Variants in HSD17B12 observed in about 807,000 individuals in gnomAD.
HSD17B12 encodes the protein hydroxysteroid 17-beta dehydrogenase 12.
In HSD17B12, 32 loss-of-function variants were observed where a neutral mutation model predicts 39.3. That is an observed-to-expected ratio of 0.81 (90% confidence interval 0.61 to 1.09). The LOEUF is 1.09. HSD17B12 is among the 50% of genes least tolerant of loss of function. The probability of loss-of-function intolerance (pLI) is 0.00; values close to 1 mark genes in which losing one functional copy is unlikely to be tolerated. For missense variants in HSD17B12, 342 were observed against 382.9 expected, an observed-to-expected ratio of 0.89 and a Z score of 0.89; for synonymous variants, 150 against 146.7, an observed-to-expected ratio of 1.02 and a Z score of -0.16.
chr11:43,713,893 T>C (rs1337513063), intron 1 of HSD17B12, among the ~76,000 whole-genome samples: 1 of 152,268 alleles, frequency 6.6e-6, no homozygotes, highest in Non-Finnish European at 1.5e-5. Flanking sequence ...ATGAGCATTT[T>C]TTCATGTGCC....
chr11:43,781,656 C>CAT (rs1950767009), intron 3 of HSD17B12, among the ~76,000 whole-genome samples: 1 of 151,954 alleles, frequency 6.6e-6, no homozygotes, highest in African/African-American at 2.4e-5. Flanking sequence ...AATATATATA[C>CAT]ATATATATAC....
rs1950495461 is a variant in HSD17B12, at chr11:43,754,861, C to A, written c.283+740C>A. On this transcript the variant is annotated intron_variant, in intron 3 of 10. Coordinates refer to ENST00000278353, the MANE Select transcript of HSD17B12 (RefSeq NM_016142.3). Reference sequence around the variant, plus strand: ...CATGTGACAGGGAAAATCTTTTGAACTTTCTTCTTAGGCAATTATACTTGA... The same window carrying A: ...CATGTGACAGGGAAAATCTTTTGAAATTTCTTCTTAGGCAATTATACTTGA... The A allele has an allele frequency of 4.0e-6, 3 of 759,410 alleles. 1 individual carries two copies. The highest frequency in any genetic ancestry group is 7.2e-6 in the Non-Finnish European group (3 of 415,692). The allele number at this position is 759,410 out of a possible 1,614,324, so 47.0% of individuals were successfully genotyped here.
At chr11:43,701,671 G>A (rs978451849) in intron 1 of HSD17B12, among the ~76,000 whole-genome samples, 23 of 152,274 alleles carry the variant, frequency 1.5e-4, no homozygotes, top group Non-Finnish European at 5.9e-5. Context: ...ATTCTCTATT[G>A]TGTTGCATTG....
chr11:43,700,470 C>T (rs1283178449), intron 1 of HSD17B12, among the ~76,000 whole-genome samples: 1 of 152,054 alleles, frequency 6.6e-6, no homozygotes, highest in East Asian at 1.9e-4. Flanking sequence ...TAACCATCCG[C>T]ACCTCCCTCC....
intron 4 of HSD17B12, among the ~76,000 whole-genome samples, chr11:43,809,676 C>T (rs1456347010): frequency 6.6e-6 from 1 of 151,952 alleles, no homozygotes; most frequent in Non-Finnish European, 1.5e-5. Context: ...AAAAATTAGC[C>T]GGTCGTGGTG....
the HSD17B12 span, among the ~76,000 whole-genome samples, chr11:43,598,731 C>T: frequency 2.6e-5 from 4 of 152,328 alleles, no homozygotes; most frequent in South Asian, 8.3e-4. Flanking sequence ...GGTCTCTGCT[C>T]TGATGTGCCT....
chr11:43,599,969 C>G, the HSD17B12 span, among the ~76,000 whole-genome samples: 1 of 152,062 alleles, frequency 6.6e-6, no homozygotes, highest in Admixed American at 6.6e-5. Context: ...AATACCTGAA[C>G]AGGTTGTAGT....
chr11:43,698,381 A>G (rs925363626), intron 1 of HSD17B12, among the ~76,000 whole-genome samples: 1 of 152,228 alleles, frequency 6.6e-6, no homozygotes, highest in African/African-American at 2.4e-5. Context: ...ATTAGATGCT[A>G]TATTTTATAG....
At chr11:43,716,215 G>A (rs778640718) in intron 1 of HSD17B12, among the ~76,000 whole-genome samples, 5 of 152,124 alleles carry the variant, frequency 3.3e-5, no homozygotes, top group Non-Finnish European at 5.9e-5. Context: ...TTAAAATGCA[G>A]GTAGCATATA....
At chr11:43,712,637 T>C (rs1300976601) in intron 1 of HSD17B12, among the ~76,000 whole-genome samples, 1 of 152,136 alleles carries the variant, frequency 6.6e-6, no homozygotes, top group Non-Finnish European at 1.5e-5. Flanking sequence ...GATTGGTGTA[T>C]ATATCTTCCC....
chr11:43,811,570 A>C (rs922967861), intron 4 of HSD17B12, among the ~76,000 whole-genome samples: 1 of 152,126 alleles, frequency 6.6e-6, no homozygotes, highest in Non-Finnish European at 1.5e-5. Flanking sequence ...AGTGTTGAAC[A>C]GGTTTTCTCT....
chr11:43,677,857 G>C (rs955760166), upstream of HSD17B12, among the ~76,000 whole-genome samples: 1 of 152,100 alleles, frequency 6.6e-6, no homozygotes, highest in African/African-American at 2.4e-5. Flanking sequence ...GGACATTCGG[G>C]TTGGTTCCAA....
chr11:43,685,900 A>C (rs2134767149), intron 1 of HSD17B12, among the ~76,000 whole-genome samples: 1 of 152,328 alleles, frequency 6.6e-6, no homozygotes, highest in Middle Eastern at 3.4e-3. Flanking sequence ...CACATTCATG[A>C]TTTTTCTGGA....
chr11:43,759,172 A>T (rs1950536339), intron 3 of HSD17B12, among the ~76,000 whole-genome samples: 1 of 151,908 alleles, frequency 6.6e-6, no homozygotes, highest in Non-Finnish European at 1.5e-5. Context: ...ATTACTTGAC[A>T]AGTGAAAAAA....
the HSD17B12 span, among the ~76,000 whole-genome samples, chr11:43,635,348 T>G: frequency 6.6e-6 from 1 of 152,214 alleles, no homozygotes; most frequent in East Asian, 1.9e-4. Context: ...GCAAACTCAG[T>G]GTTCTTAGTG....
intron 1 of HSD17B12, among the ~76,000 whole-genome samples, chr11:43,748,498 A>G (rs1041075378): frequency 6.6e-6 from 1 of 152,040 alleles, no homozygotes; most frequent in Non-Finnish European, 1.5e-5. Context: ...AAAACTACCT[A>G]TCAGGTACTA....
At chr11:43,749,943 G>C (rs950097459) in intron 1 of HSD17B12, among the ~76,000 whole-genome samples, 3 of 152,086 alleles carry the variant, frequency 2.0e-5, no homozygotes, top group Non-Finnish European at 4.4e-5. Context: ...TAGTATTCCA[G>C]AGATAAGATA....
the HSD17B12 span, among the ~76,000 whole-genome samples, chr11:43,640,011 T>C: frequency 3.3e-5 from 5 of 152,162 alleles, no homozygotes; most frequent in Admixed American, 2.0e-4. Flanking sequence ...TTGGTTATGT[T>C]TGGAGTATGG....
intron 1 of HSD17B12, among the ~76,000 whole-genome samples, chr11:43,683,113 T>G (rs1325738961): frequency 1.3e-5 from 2 of 151,590 alleles, no homozygotes; most frequent in African/African-American, 2.4e-5. Flanking sequence ...TGTTTTTTTT[T>G]TTTTTTCTCT....
Sources: allele counts gnomAD v4.1 joint callset (sites outside exome capture counted in the v4.1 genomes callset), GRCh38; gene constraint gnomAD v4.1.1; transcripts MANE v1.5; gene names NCBI Gene and HGNC (gene_info 2026-07-23, HGNC 2026-07-21).